Variants in MRPL1 observed in about 807,000 individuals in gnomAD.
MRPL1 encodes the protein large ribosomal subunit protein uL1m.
In MRPL1, 28 loss-of-function variants were observed where a neutral mutation model predicts 38.0. The ratio of observed to expected loss-of-function variants is 0.74; its 90% CI spans 0.55 to 1.01. MRPL1 has a LOEUF of 1.01. Ranked by LOEUF, MRPL1 falls within the 50% of genes least tolerant of loss-of-function variation. MRPL1 has a pLI of 0.00. For missense variants in MRPL1, 358 were observed against 389.8 expected (o/e 0.92, Z 0.69); for synonymous variants, 123 against 126.7 (o/e 0.97, Z 0.20).
intron 1 of MRPL1, among the ~76,000 whole-genome samples, chr4:77,863,742 C>A (rs1735059577): frequency 6.6e-6 from 1 of 152,172 alleles, no homozygotes; most frequent in Admixed American, 6.5e-5. Context: ...GCTGGGATTA[C>A]AGGCGTGAGG....
At chr4:77,924,423 T>C (rs1578056637) in intron 7 of MRPL1, among the ~76,000 whole-genome samples, 1 of 152,170 alleles carries the variant, frequency 6.6e-6, no homozygotes, top group South Asian at 2.1e-4. Flanking sequence ...CTTTGATAAT[T>C]ACTGTTTCTT....
chr4:77,932,075 A>G (rs1736856995), intron 7 of MRPL1, among the ~76,000 whole-genome samples: 1 of 152,194 alleles, frequency 6.6e-6, no homozygotes, highest in African/African-American at 2.4e-5. Context: ...ATTCAGTGAT[A>G]CAGAATGGGA....
In MRPL1 at chr4:77,909,351, T is replaced by C. The variant is rs368497686; in HGVS notation, c.756T>C (p.Phe252=). 7.0e-5 allele frequency: 112 copies of C among 1,594,284 alleles called. No homozygotes were observed. The African/African-American group carries it at 1.3e-3, about 19-fold the overall frequency. The change falls in exon 7 of 9, where the codon TTT becomes TTC. Residue 252 remains phenylalanine, a synonymous_variant. Coordinates refer to ENST00000315567, the MANE Select transcript of MRPL1 (RefSeq NM_020236.4). ...AGGTAGATGAAGAAAGGGAGAACTT[T>C]CTCCAGACCAAAATAGCAACAGTAA... ...EIKVDEEREN[F]LQTKIATLDM... is the part of the protein sequence containing the mutation.
chr4:77,883,475 C>T lies in MRPL1; in HGVS notation c.377C>T (p.Thr126Ile), dbSNP rs770144494. 1.3e-5 allele frequency: 21 copies of T among 1,613,248 alleles called. No homozygotes were observed. Among genetic ancestry groups the T allele is most frequent in the Non-Finnish European group, 1.7e-5 (20 of 1,179,686 alleles). The change falls in exon 3 of 9, where the codon ACA becomes ATA. Residue 126 changes from threonine to isoleucine, a missense_variant. Transcript: ENST00000315567. ...SPKQSVYLDL[T>I]LDMALGKKKN... is the part of the protein sequence containing the mutation. Reference sequence around the variant, plus strand: ...AAGCAAAGTGTTTATCTTGATTTGACACTGGATATGGCACTGGGAAAGAAG... The same window carrying T: ...AAGCAAAGTGTTTATCTTGATTTGATACTGGATATGGCACTGGGAAAGAAG...
chr4:77,914,239 A>G (rs977096645), intron 7 of MRPL1, among the ~76,000 whole-genome samples: 2 of 152,166 alleles, frequency 1.3e-5, no homozygotes, highest in African/African-American at 4.8e-5. Flanking sequence ...GTATGATACC[A>G]TTTATATGCA....
chr4:77,883,383 G>C lies in MRPL1; in HGVS notation c.285G>C (p.Gln95His). 1 of 1,613,942 alleles carries C rather than the reference G, an allele frequency of 6.2e-7. No homozygotes were observed. Among genetic ancestry groups the C allele is most frequent in the South Asian group, 1.1e-5 (1 of 91,064 alleles). ...DVYLKRLYPR[Q>H]IYEVEKAVHL... ...ATTTAAAACGCTTATACCCGAGACAGATATATGAGGTGGAGAAAGCTGTTC... is the reference window on the plus strand; with the variant it reads ...ATTTAAAACGCTTATACCCGAGACACATATATGAGGTGGAGAAAGCTGTTC... The change falls in exon 3 of 9, where the codon CAG becomes CAC. Residue 95 changes from glutamine (Q) to histidine (H), a missense_variant. Transcript: ENST00000315567.
intron 2 of MRPL1, 65 bp from the exon 3 acceptor site, chr4:77,883,177 C>CCTT: frequency 9.3e-7 from 1 of 1,073,032 alleles, no homozygotes; most frequent in Non-Finnish European, 1.3e-6. Flanking sequence ...TGTACACTGG[C>CCTT]TTTTTTTTTA....
chr4:77,885,375 T>C (rs1306105554), intron 4 of MRPL1, 36 bp downstream of exon 4: 1 of 1,147,206 alleles, frequency 8.7e-7, no homozygotes, highest in East Asian at 2.9e-5. Flanking sequence ...TATCATTTAA[T>C]TTTTTTTTTT....
chr4:77,871,435 G>C (rs544083080), intron 1 of MRPL1, among the ~76,000 whole-genome samples: 2 of 151,964 alleles, frequency 1.3e-5, no homozygotes, highest in African/African-American at 4.8e-5. Flanking sequence ...CTCCCAAGTA[G>C]CTGGGACTAC....
rs191254949 is a variant in MRPL1, at chr4:77,912,247, G to A, written c.777+2875G>A. 1.1e-4 allele frequency among the ~76,000 whole-genome samples: 17 copies of A among 152,146 alleles called. No individual in the cohort carries two copies. The East Asian group carries it at 2.9e-3, about 26-fold the overall frequency. On this transcript the variant is annotated intron_variant, in intron 7 of 8. Coordinates refer to ENST00000315567, the MANE Select transcript of MRPL1 (RefSeq NM_020236.4). ...CATTGATCTGGGGCTTCTAGTTAGC[G>A]CAATCAGGCAAGAAACAGAAATAAA...
chr4:77,926,212 AGC>A (rs1358418549), intron 7 of MRPL1, among the ~76,000 whole-genome samples: 1 of 152,202 alleles, frequency 6.6e-6, no homozygotes, highest in African/African-American at 2.4e-5. Context: ...TTTCCTTGCC[AGC>A]ACATGACTGG....
At chr4:77,925,587 T>C (rs1736696456) in intron 7 of MRPL1, among the ~76,000 whole-genome samples, 1 of 151,920 alleles carries the variant, frequency 6.6e-6, no homozygotes, top group Non-Finnish European at 1.5e-5. Flanking sequence ...CTGCTTTTTT[T>C]CCTTATCCTG....
At chr4:77,863,067 AGAC>A (rs1417448703) in intron 1 of MRPL1, 188 bp downstream of exon 1, 1 of 672,420 alleles carries the variant, frequency 1.5e-6, no homozygotes, top group African/African-American at 1.8e-5. Flanking sequence ...TCCATTCTGG[AGAC>A]GTCCACCCTG....
intron 2 of MRPL1, among the ~76,000 whole-genome samples, chr4:77,874,017 G>A (rs998640573): frequency 1.8e-4 from 18 of 100,066 alleles, no homozygotes; most frequent in Admixed American, 1.4e-3. Context: ...TTTTTTTTTT[G>A]AGATGGATTC....
At chr4:77,867,901 C>T (rs895547910) in intron 1 of MRPL1, among the ~76,000 whole-genome samples, 10 of 151,276 alleles carry the variant, frequency 6.6e-5, no homozygotes, top group African/African-American at 1.7e-4. Flanking sequence ...AGACTATAGG[C>T]GCCCGCCACC....
chr4:77,911,080 ATGT>A (rs1225268751), intron 7 of MRPL1, among the ~76,000 whole-genome samples: 11 of 152,152 alleles, frequency 7.2e-5, no homozygotes, highest in Non-Finnish European at 1.5e-4. Flanking sequence ...AAGTTTCTTA[ATGT>A]TGTTGTGTCT....
At chr4:77,868,210 G>A (rs113314061) in intron 1 of MRPL1, among the ~76,000 whole-genome samples, 8 of 151,578 alleles carry the variant, frequency 5.3e-5, no homozygotes, top group African/African-American at 1.5e-4. Context: ...CTACAGGCAC[G>A]TGTCACCATG....
rs1735559473 is a variant in MRPL1 at position 77,882,283 on chromosome 4, C to T, written c.144-959C>T. Reference sequence around the variant, plus strand: ...ACTTTTTATTACGTTGTTTCTTTACCTGGCTAACTCTATTATTTTTTAAAT... The same window carrying T: ...ACTTTTTATTACGTTGTTTCTTTACTTGGCTAACTCTATTATTTTTTAAAT... On this transcript the variant is annotated intron_variant, in intron 2 of 8. Coordinates refer to ENST00000315567, the MANE Select transcript of MRPL1 (RefSeq NM_020236.4). Among the ~76,000 whole-genome samples the T allele has an allele frequency of 2.6e-5, 4 of 152,066 alleles. No individual in the cohort carries two copies. The South Asian group carries it at 8.3e-4, about 32-fold the overall frequency.
At chr4:77,876,080 C>G (rs1246529385) in intron 2 of MRPL1, among the ~76,000 whole-genome samples, 1 of 152,180 alleles carries the variant, frequency 6.6e-6, no homozygotes, top group Non-Finnish European at 1.5e-5. Flanking sequence ...TCAGGCGATT[C>G]TCTTGCCTCA....
Sources: gnomAD v4.1 joint callset for allele counts (sites outside exome capture counted in the v4.1 genomes callset) on GRCh38, gnomAD v4.1.1 for gene constraint, MANE v1.5 for transcripts, NCBI Gene and HGNC (gene_info 2026-07-23, HGNC 2026-07-21) for gene names.